The following CEP85L variants were observed in gnomAD, a reference collection of about 807,000 sequenced individuals.
The protein encoded by CEP85L is centrosomal protein 85L.
In CEP85L, 60 loss-of-function variants were observed where a neutral mutation model predicts 100.3. The observed-to-expected ratio is 0.60, with a 90% CI of 0.49 to 0.74. The LOEUF (loss-of-function observed/expected upper bound fraction) is 0.74. Among genes scored for constraint, CEP85L ranks in the 30% least tolerant of loss-of-function variants. The probability of loss-of-function intolerance (pLI) is 0.00; values close to 1 mark genes in which losing one functional copy is unlikely to be tolerated. For synonymous variants in CEP85L, 319 were observed against 322.7 expected, an observed-to-expected ratio of 0.99 and a Z score of 0.12; for missense variants, 973 against 936.2, an observed-to-expected ratio of 1.04 and a Z score of -0.51.
chr6:118,526,824 T>C (rs1023849571), intron 3 of CEP85L, among the ~76,000 whole-genome samples: 7 of 152,278 alleles, frequency 4.6e-5, no homozygotes, highest in South Asian at 2.1e-4. Context: ...AGTCACCCTA[T>C]ATGGTCTGAA....
At chr6:118,601,876 A>C (rs1781807098) in intron 2 of CEP85L, among the ~76,000 whole-genome samples, 1 of 152,154 alleles carries the variant, frequency 6.6e-6, no homozygotes, top group Admixed American at 6.5e-5. Flanking sequence ...CCTTTACTGC[A>C]ACATGTTTTA....
At chr6:118,507,604 T>C (rs1775732966) in intron 5 of CEP85L, among the ~76,000 whole-genome samples, 2 of 152,178 alleles carry the variant, frequency 1.3e-5, no homozygotes, top group Admixed American at 1.3e-4. Context: ...CAACCACATA[T>C]CTACCACTAC....
intron 7 of CEP85L, among the ~76,000 whole-genome samples, chr6:118,482,877 C>T (rs528596604): frequency 3.4e-4 from 52 of 152,126 alleles, no homozygotes; most frequent in Non-Finnish European, 6.0e-4. Context: ...TTAAAGTATG[C>T]AGAGTGACAC....
At chr6:118,553,335 A>C (rs1454493189) in intron 3 of CEP85L, among the ~76,000 whole-genome samples, 2 of 152,156 alleles carry the variant, frequency 1.3e-5, no homozygotes, top group Admixed American at 1.3e-4. Context: ...AACTCCAAAA[A>C]TAGGATTCTG....
At chr6:118,589,113 C>A (rs1781031970) in intron 2 of CEP85L, 1 of 305,632 alleles carries the variant, frequency 3.3e-6, no homozygotes, top group Admixed American at 3.4e-5. Context: ...AGGGATGATG[C>A]TCAGATATCA....
At chr6:118,603,962 C>T (rs1772001860) in intron 2 of CEP85L, among the ~76,000 whole-genome samples, 1 of 152,174 alleles carries the variant, frequency 6.6e-6, no homozygotes, top group Non-Finnish European at 1.5e-5. Flanking sequence ...CAGAATTTTA[C>T]ATAACAATTA....
intron 2 of CEP85L, among the ~76,000 whole-genome samples, chr6:118,619,583 A>G (rs1773304395): frequency 6.6e-6 from 1 of 152,180 alleles, no homozygotes; most frequent in South Asian, 2.1e-4. Context: ...CACCGAAAAG[A>G]AAACGTAAAC....
intron 2 of CEP85L, among the ~76,000 whole-genome samples, chr6:118,579,527 G>GT (rs1441517422): frequency 6.6e-6 from 1 of 152,158 alleles, no homozygotes; most frequent in African/African-American, 2.4e-5. Context: ...GTAGAGAGCT[G>GT]TAAGTGTTAC....
chr6:118,510,031 G>T (rs1775878908), intron 5 of CEP85L, among the ~76,000 whole-genome samples: 2 of 152,000 alleles, frequency 1.3e-5, no homozygotes, highest in African/African-American at 2.4e-5. Context: ...TACCTACAGT[G>T]AATACAAATA....
intron 5 of CEP85L, among the ~76,000 whole-genome samples, chr6:118,494,226 T>A (rs1158585509): frequency 6.6e-6 from 1 of 152,078 alleles, no homozygotes; most frequent in Non-Finnish European, 1.5e-5. Context: ...GGGGACCCAA[T>A]CATACAGGAG....
intron 1 of CEP85L, among the ~76,000 whole-genome samples, chr6:118,649,630 G>C (rs541443725): frequency 1.3e-5 from 2 of 152,242 alleles, no homozygotes; most frequent in African/African-American, 4.8e-5. Flanking sequence ...GGATAATGAA[G>C]TAGCTTCTCA....
intron 2 of CEP85L, among the ~76,000 whole-genome samples, chr6:118,593,853 A>G (rs186647439): frequency 6.6e-6 from 1 of 152,174 alleles, no homozygotes. Context: ...TCCTCAACAC[A>G]TCATCCACAA....
intron 6 of CEP85L, among the ~76,000 whole-genome samples, chr6:118,485,727 T>C (rs1375661612): frequency 6.6e-6 from 1 of 152,236 alleles, no homozygotes; most frequent in East Asian, 1.9e-4. Flanking sequence ...AAATCAACTT[T>C]CTTTCAGTTC....
rs1775960877 is a variant in CEP85L at position 118,511,400 on chromosome 6, A to G, written c.1155T>C (p.Ile385=). The change falls in exon 5 of 13, where the codon ATT becomes ATC. Residue 385 remains isoleucine (I), a synonymous_variant. Transcript: ENST00000368491. ...EIVIDRQKQQ[I]THLHERIRDN... The stretch of plus-strand genomic sequence containing the variant: ...CCCTTATCCTCTCATGCAGGTGGGT[A>G]ATTTGTTGCTTCTGCCTGCAAAACA... 1 of 1,610,980 alleles carries G rather than the reference A, an allele frequency of 6.2e-7. No homozygotes were observed. The highest frequency in any genetic ancestry group is 8.5e-7 in the Non-Finnish European group (1 of 1,177,838).
intron 5 of CEP85L, among the ~76,000 whole-genome samples, chr6:118,504,539 T>C (rs919121635): frequency 6.6e-6 from 1 of 152,128 alleles, no homozygotes; most frequent in Non-Finnish European, 1.5e-5. Context: ...CCTTATCTCA[T>C]ACCTTCCCCT....
chr6:118,586,706 C>T (rs1332151757), intron 2 of CEP85L, among the ~76,000 whole-genome samples: 2 of 152,168 alleles, frequency 1.3e-5, no homozygotes, highest in African/African-American at 4.8e-5. Context: ...TATATGAGAA[C>T]TAATCATCTT....
At chr6:118,663,877 GT>G (rs1157632557) in intron 1 of CEP85L, among the ~76,000 whole-genome samples, 3 of 146,058 alleles carry the variant, frequency 2.1e-5, no homozygotes, top group Non-Finnish European at 3.0e-5. Flanking sequence ...CTGTTATGTT[GT>G]TTTTTTTATT....
chr6:118,709,556 T>TGTGTGTGTGTGTGTGTGTGTGTGTGAGA (rs751698371), intron 1 of CEP85L, among the ~76,000 whole-genome samples: 40 of 142,316 alleles, frequency 2.8e-4, no homozygotes, highest in African/African-American at 1.0e-3. Context: ...TGTGTGTGTG[T>TGTGTGTGTGTGTGTGTGTGTGTGTGAGA]GAGAGAGAGA....
intron 2 of CEP85L, among the ~76,000 whole-genome samples, chr6:118,619,910 G>C (rs1035512247): frequency 6.6e-6 from 1 of 152,174 alleles, no homozygotes; most frequent in African/African-American, 2.4e-5. Flanking sequence ...AATGGCCCCA[G>C]AGGAGAAGGA....
Sources: gnomAD v4.1 joint callset for allele counts (sites outside exome capture counted in the v4.1 genomes callset) on GRCh38, gnomAD v4.1.1 for gene constraint, MANE v1.5 for transcripts, NCBI Gene and HGNC (gene_info 2026-07-23, HGNC 2026-07-21) for gene names.